NDST4: variants seen among roughly 807,000 people sequenced by gnomAD.
NDST4 encodes N-heparan sulfate sulfotransferase 4.
NDST4 carries 63 observed loss-of-function variants against 100.8 expected under a neutral mutation model. The observed-to-expected ratio is 0.62, with a 90% CI of 0.51 to 0.77. The LOEUF is 0.77. Ranked by LOEUF, NDST4 falls within the 30% of genes least tolerant of loss-of-function variation. NDST4 has a pLI of 0.00. For synonymous variants in NDST4, 377 were observed against 361.8 expected, an observed-to-expected ratio of 1.04 and a Z score of -0.48; for missense variants, 943 against 1,018.4, an observed-to-expected ratio of 0.93 and a Z score of 1.01.
chr4:114,885,587 T>G (rs559635857), intron 6 of NDST4, among the ~76,000 whole-genome samples: 1 of 152,120 alleles, frequency 6.6e-6, no homozygotes, highest in Non-Finnish European at 1.5e-5. Flanking sequence ...TTGGTATCCT[T>G]ATAGATTTCT....
At chr4:115,016,540 A>G (rs1223224484) in intron 2 of NDST4, among the ~76,000 whole-genome samples, 1 of 152,090 alleles carries the variant, frequency 6.6e-6, no homozygotes, top group Non-Finnish European at 1.5e-5. Flanking sequence ...TGAATTAGCA[A>G]TGAAGACTGC....
In NDST4 at chr4:115,039,146, G is replaced by T. The variant is rs183716603; in HGVS notation, c.978+36913C>A. Among the ~76,000 whole-genome samples the T allele has an allele frequency of 3.4e-3, 520 of 152,212 alleles. 3 individuals are homozygous for T. Among genetic ancestry groups the T allele is most frequent in the Non-Finnish European group, 4.1e-3 (277 of 68,002 alleles). ...GAAATCCACAAAATGAGTGGGTAGG[G>T]CCAAACTACCTATAGGTGAGAAATT... On this transcript the variant is annotated intron_variant, in intron 2 of 13. Transcript: ENST00000264363.
intron 3 of NDST4, among the ~76,000 whole-genome samples, chr4:114,972,703 G>A (rs148685096): frequency 6.6e-6 from 1 of 151,906 alleles, no homozygotes; most frequent in Admixed American, 6.6e-5. Context: ...CCACCCTCCT[G>A]GAATTGTCTT....
intron 2 of NDST4, among the ~76,000 whole-genome samples, chr4:115,007,406 T>C (rs1398277483): frequency 6.6e-6 from 1 of 152,190 alleles, no homozygotes; most frequent in African/African-American, 2.4e-5. Context: ...GAACACAGGC[T>C]ATACGCAATT....
intron 1 of NDST4, among the ~76,000 whole-genome samples, chr4:115,104,478 T>C (rs1729797908): frequency 6.6e-6 from 1 of 152,138 alleles, no homozygotes; most frequent in Non-Finnish European, 1.5e-5. Context: ...CATTTGTTTT[T>C]ATTCTATCCA....
At chr4:114,944,620 A>G (rs1395814604) in intron 4 of NDST4, among the ~76,000 whole-genome samples, 1 of 152,216 alleles carries the variant, frequency 6.6e-6, no homozygotes, top group East Asian at 1.9e-4. Flanking sequence ...ACAGATTAAC[A>G]CTATGGTGAA....
In NDST4 at chr4:114,833,636, G is replaced by A. The variant is rs1189217376; in HGVS notation, c.2366C>T (p.Thr789Ile). 6.2e-7 allele frequency: 1 copy of A among 1,612,596 alleles called. No individual in the cohort carries two copies. The highest frequency in any genetic ancestry group is 1.3e-5 in the African/African-American group (1 of 74,910). Residue 789 changes from threonine (T) to isoleucine (I), a missense_variant, in exon 12 of 14, where the codon ACA becomes ATA. Transcript: ENST00000264363. ...MDEVQKFLGV[T>I]PRYNYSEALT... ...TGCTTCAGAGTAATTATAACGAGGT[G>A]TAACTCCCAGAAACTTCTGGACTTC...
intron 9 of NDST4, among the ~76,000 whole-genome samples, chr4:114,846,801 T>A (rs1238091079): frequency 6.6e-6 from 1 of 152,198 alleles, no homozygotes; most frequent in Non-Finnish European, 1.5e-5. Context: ...ATTTCCCTCT[T>A]TGACATTTGT....
chr4:114,958,186 C>T (rs1172613151), intron 4 of NDST4, among the ~76,000 whole-genome samples: 4 of 152,196 alleles, frequency 2.6e-5, no homozygotes, highest in African/African-American at 7.2e-5. Context: ...CACACCTCAG[C>T]GTGGACATCC....
chr4:114,953,542 G>C (rs1051281146), intron 4 of NDST4, among the ~76,000 whole-genome samples: 1 of 152,056 alleles, frequency 6.6e-6, no homozygotes, highest in African/African-American at 2.4e-5. Context: ...CACATCAGGA[G>C]CACAGTGCAG....
intron 1 of NDST4, among the ~76,000 whole-genome samples, chr4:115,104,240 G>A (rs72900660): frequency 0.012 from 1,764 of 152,122 alleles, 36 homozygotes; most frequent in African/African-American, 0.04. Flanking sequence ...TTCAGCCTGG[G>A]TTAACATTAG....
intron 2 of NDST4, among the ~76,000 whole-genome samples, chr4:114,996,062 T>G (rs892981614): frequency 5.3e-5 from 8 of 152,076 alleles, no homozygotes; most frequent in Non-Finnish European, 1.2e-4. Flanking sequence ...ATAATCCAGG[T>G]TCTCTGATTT....
At chr4:115,000,343 T>C (rs1727259777) in intron 2 of NDST4, among the ~76,000 whole-genome samples, 1 of 152,016 alleles carries the variant, frequency 6.6e-6, no homozygotes, top group African/African-American at 2.4e-5. Context: ...CTTTCATTTT[T>C]TTTTATTTTT....
chr4:115,012,237 G>A (rs891568498), intron 2 of NDST4, among the ~76,000 whole-genome samples: 1 of 151,810 alleles, frequency 6.6e-6, no homozygotes, highest in African/African-American at 2.4e-5. Context: ...TTAAAGCTAG[G>A]TATTTCTGAG....
At position 114,849,180 on chromosome 4, in the gene NDST4, A is replaced by C. The variant is rs139349322; in HGVS notation, c.1817-842T>G. Reference sequence around the variant, plus strand: ...GAAACCACCTGTGTGCACATTGCAGAGGTCTCAAATGTAATCTCTGAACCT... The same window carrying C: ...GAAACCACCTGTGTGCACATTGCAGCGGTCTCAAATGTAATCTCTGAACCT... On this transcript the variant is annotated intron_variant, in intron 8 of 13. Coordinates refer to ENST00000264363, the MANE Select transcript of NDST4 (RefSeq NM_022569.3). Among the ~76,000 whole-genome samples, 1,219 of 152,338 alleles carry C rather than the reference A, an allele frequency of 8.0e-3. 10 individuals are homozygous for C. The highest frequency in any genetic ancestry group is 0.01 in the South Asian group (50 of 4,824).
At chr4:115,092,954 G>C in intron 1 of NDST4, among the ~76,000 whole-genome samples, 1 of 152,084 alleles carries the variant, frequency 6.6e-6, no homozygotes, top group Non-Finnish European at 1.5e-5. Context: ...GTTTACAATG[G>C]ATATAAAATA....
intron 6 of NDST4, among the ~76,000 whole-genome samples, chr4:114,872,651 G>A (rs1284691907): frequency 6.6e-6 from 1 of 151,962 alleles, no homozygotes; most frequent in African/African-American, 2.4e-5. Flanking sequence ...TGCTTACTAT[G>A]TACTAAGCAG....
At chr4:114,888,154 G>C (rs926769140) in intron 6 of NDST4, among the ~76,000 whole-genome samples, 8 of 152,010 alleles carry the variant, frequency 5.3e-5, no homozygotes, top group African/African-American at 1.9e-4. Flanking sequence ...AATGAGCCGA[G>C]ATGGTGCCAC....
intron 13 of NDST4, among the ~76,000 whole-genome samples, chr4:114,828,691 T>G (rs11944967): frequency 0.28 from 41,835 of 152,068 alleles, 7,684 homozygotes; most frequent in African/African-American, 0.52. Context: ...AATTGGCAGA[T>G]TTCCATCTCT....
Sources: allele counts gnomAD v4.1 joint callset (sites outside exome capture counted in the v4.1 genomes callset), GRCh38; gene constraint gnomAD v4.1.1; transcripts MANE v1.5; gene names NCBI Gene and HGNC (gene_info 2026-07-23, HGNC 2026-07-21).